Variants in ACSL5 observed in about 807,000 individuals in gnomAD.
ACSL5 encodes the protein long-chain-fatty-acid--CoA ligase 5.
Under a neutral mutation model 84.9 loss-of-function variants are expected in ACSL5, and 50 were observed. That is an observed-to-expected ratio of 0.59 (90% CI 0.47 to 0.75). ACSL5 has a LOEUF of 0.75. Among genes scored for constraint, ACSL5 ranks in the 30% least tolerant of loss-of-function variants. ACSL5 has a pLI of 0.00. For synonymous variants in ACSL5, 280 were observed against 300.7 expected (o/e 0.93, Z 0.71); for missense variants, 775 against 830.4 (o/e 0.93, Z 0.82).
At chr10:112,378,910 G>A (rs1651479492) in intron 1 of ACSL5, among the ~76,000 whole-genome samples, 1 of 127,150 alleles carries the variant, frequency 7.9e-6, no homozygotes, top group African/African-American at 2.6e-5. Context: ...AGGTCAGACA[G>A]CCCGTGCAAT....
intron 11 of ACSL5, 51 bp from the exon 12 acceptor site, chr10:112,413,122 C>T: frequency 6.2e-7 from 1 of 1,602,244 alleles, no homozygotes; most frequent in South Asian, 1.1e-5. Flanking sequence ...GACAGGTCCC[C>T]ACTAAAGGGG....
chr10:112,428,142 G>A lies in ACSL5; in HGVS notation c.*784G>A, dbSNP rs1844812753. On this transcript the variant is annotated 3_prime_UTR_variant, in exon 21 of 21. Transcript: ENST00000354655. ...AAGCTGTGGGGGAAGGAGTTGACAGGTGGGCCCAGTGAACTTTTCCAGTAA... is the reference window on the plus strand; with the variant it reads ...AAGCTGTGGGGGAAGGAGTTGACAGATGGGCCCAGTGAACTTTTCCAGTAA... 1 of 298,760 alleles carries A rather than the reference G, an allele frequency of 3.3e-6. No individual in the cohort carries two copies. The highest frequency in any genetic ancestry group is 6.1e-6 in the Non-Finnish European group (1 of 163,182). 18.5% of individuals were successfully genotyped at this position (298,760 alleles called of 1,614,324 possible).
intron 1 of ACSL5, among the ~76,000 whole-genome samples, chr10:112,380,929 C>T (rs1052705177): frequency 3.9e-5 from 6 of 152,036 alleles, no homozygotes; most frequent in Non-Finnish European, 8.8e-5. Flanking sequence ...TACAGGCATG[C>T]CCAACTAAAT....
intron 3 of ACSL5, among the ~76,000 whole-genome samples, chr10:112,399,624 C>T (rs999963702): frequency 6.6e-6 from 1 of 152,156 alleles, no homozygotes; most frequent in African/African-American, 2.4e-5. Flanking sequence ...GGCACACACA[C>T]GTTTACTTTT....
In ACSL5 at chr10:112,411,890, T is replaced by G. The variant is rs749555720; in HGVS notation, c.871-12T>G. ...CTCATGTTGCCTCCTCTTACTTCCC[T>G]GGCCTACATAGCATGCTTATGAGCC... is the stretch of plus-strand genomic sequence containing the variant. On this transcript the variant is annotated splice_polypyrimidine_tract_variant and intron_variant, in intron 10 of 20. Coordinates refer to ENST00000354655, the MANE Select transcript of ACSL5 (RefSeq NM_203379.2). The G allele has an allele frequency of 5.0e-6, 8 of 1,610,958 alleles. No individual in the cohort carries two copies. The highest frequency in any genetic ancestry group is 6.8e-6 in the Non-Finnish European group (8 of 1,177,114).
chr10:112,419,768 C>A (rs1434624788), intron 14 of ACSL5: 1 of 152,162 alleles, frequency 6.6e-6, no homozygotes, highest in African/African-American at 2.4e-5. Flanking sequence ...TTTTTATAGT[C>A]AAACTAAATA....
rs1360310944 is a variant in ACSL5 at position 112,420,882 on chromosome 10, C to T, written c.1315-711C>T. 7.2e-5 allele frequency among the ~76,000 whole-genome samples: 11 copies of T among 152,028 alleles called. No homozygotes were observed. In the South Asian group the frequency reaches 1.5e-3, roughly 20 times the overall value. ...AATTACAGGCATGTGCCACCAGGCCCGGCTAATTTTTGTATTTTTAGTAGA... is the reference window on the plus strand; with the variant it reads ...AATTACAGGCATGTGCCACCAGGCCTGGCTAATTTTTGTATTTTTAGTAGA... On this transcript the variant is annotated intron_variant, in intron 14 of 20. Transcript: ENST00000354655.
At chr10:112,426,642 A>G (rs549825287) in intron 19 of ACSL5, 146 bp from the exon 20 acceptor site, 5 of 700,866 alleles carry the variant, frequency 7.1e-6, no homozygotes, top group South Asian at 3.8e-5. Context: ...TTTTCTTTCA[A>G]TATTGGGCAT....
At position 112,404,694 on chromosome 10, in the gene ACSL5, C is replaced by CT; in HGVS notation, c.331-5dup. The CT allele has an allele frequency of 6.2e-7, 1 of 1,612,638 alleles. No individual in the cohort carries two copies. Among genetic ancestry groups the CT allele is most frequent in the Non-Finnish European group, 8.5e-7 (1 of 1,178,904 alleles). On this transcript the variant is annotated splice_polypyrimidine_tract_variant and intron_variant, in intron 4 of 20. Transcript: ENST00000354655. ...TCTCTCTCTCTCTCACCCCATCTCTCTTTTTTGTAGGTGTCTGATAGAGCA... is the reference window on the plus strand; with the variant it reads ...TCTCTCTCTCTCTCACCCCATCTCTCTTTTTTTGTAGGTGTCTGATAGAGCA...
At chr10:112,386,809 A>G (rs1464296372) in intron 1 of ACSL5, among the ~76,000 whole-genome samples, 1 of 152,172 alleles carries the variant, frequency 6.6e-6, no homozygotes, top group African/African-American at 2.4e-5. Context: ...TATATACACT[A>G]TTGTGAATAG....
intron 1 of ACSL5, among the ~76,000 whole-genome samples, chr10:112,392,574 T>C (rs942338892): frequency 6.6e-6 from 1 of 152,024 alleles, no homozygotes; most frequent in Non-Finnish European, 1.5e-5. Flanking sequence ...ACCCCGTCTC[T>C]ACTAAAAATA....
In ACSL5 at chr10:112,383,761, A is replaced by T. The variant is rs954849376; in HGVS notation, c.-30+9492A>T. ...CCAACCAAGGTGGTAGAACTTTCTA[A>T]ATTAGCTGCCTGTGTTGGAGGTGGG... On this transcript the variant is annotated intron_variant, in intron 1 of 20. Transcript: ENST00000354655. Among the ~76,000 whole-genome samples the T allele has an allele frequency of 2.4e-4, 36 of 152,270 alleles. 1 individual carries two copies. Among genetic ancestry groups the T allele is most frequent in the Admixed American group, 2.2e-3 (33 of 15,302 alleles).
intron 7 of ACSL5, among the ~76,000 whole-genome samples, 157 bp downstream of exon 7, chr10:112,409,842 A>G (rs1280623630): frequency 3.3e-5 from 5 of 152,240 alleles, no homozygotes; most frequent in African/African-American, 1.2e-4. Flanking sequence ...AATAATTTCC[A>G]CAAGACAACT....
intron 11 of ACSL5, chr10:112,412,495 T>C (rs1460404785): frequency 6.5e-6 from 1 of 153,462 alleles, no homozygotes; most frequent in Non-Finnish European, 1.4e-5. Flanking sequence ...TGCTCTTCTG[T>C]GAGTGGACTC....
chr10:112,421,950 A>G lies in ACSL5; in HGVS notation c.1391A>G (p.His464Arg), dbSNP rs142537744. Residue 464 changes from histidine to arginine, a missense_variant, in exon 16 of 21, where the codon CAC (histidine) becomes CGC (arginine). Transcript: ENST00000354655. ...AATTCAGCACGGTATGTTCTAGGTC[A>G]CGTTGGGGTGCCCCTGGCTTGCAAT... Reference protein sequence around the residue: ...FTLPGDWTSGHVGVPLACNYV... With the variant: ...FTLPGDWTSGRVGVPLACNYV... The G allele has an allele frequency of 1.5e-5, 25 of 1,614,170 alleles. No individual in the cohort carries two copies. The highest frequency in any genetic ancestry group is 1.9e-5 in the Non-Finnish European group (23 of 1,180,008).
At chr10:112,427,103 G>A in intron 20 of ACSL5, 115 bp from the exon 21 acceptor site, 1 of 1,130,550 alleles carries the variant, frequency 8.8e-7, no homozygotes, top group Non-Finnish European at 1.3e-6. Context: ...ATGTGTTACT[G>A]TTACCTTTAC....
chr10:112,402,503 G>A (rs1353832716), intron 3 of ACSL5, among the ~76,000 whole-genome samples: 3 of 152,220 alleles, frequency 2.0e-5, no homozygotes, highest in African/African-American at 7.2e-5. Context: ...GGGGGAGCAA[G>A]TGGCTTCCAC....
intron 2 of ACSL5, among the ~76,000 whole-genome samples, chr10:112,397,500 C>T (rs1005880923): frequency 2.6e-5 from 4 of 152,074 alleles, no homozygotes; most frequent in Non-Finnish European, 4.4e-5. Context: ...AATACGCCGT[C>T]CTCTAGCTGC....
At chr10:112,424,496 C>G (rs889392685) in intron 17 of ACSL5, 1 of 152,162 alleles carries the variant, frequency 6.6e-6, no homozygotes, top group Non-Finnish European at 1.5e-5. Flanking sequence ...TGTCTAGTAA[C>G]AGAATTAAAT....
Sources: gnomAD v4.1 joint callset for allele counts (sites outside exome capture counted in the v4.1 genomes callset) on GRCh38, gnomAD v4.1.1 for gene constraint, MANE v1.5 for transcripts, NCBI Gene and HGNC (gene_info 2026-07-23, HGNC 2026-07-21) for gene names.